The following LRP5 variants were observed in gnomAD, a reference collection of about 807,000 sequenced individuals.
LRP5 encodes LDL receptor related protein 5.
Under a neutral mutation model 154.1 loss-of-function variants are expected in LRP5, and 62 were observed. The ratio of observed to expected loss-of-function variants is 0.40; its 90% confidence interval spans 0.33 to 0.50. The LOEUF is 0.50. Ranked by LOEUF, LRP5 falls within the 20% of genes least tolerant of loss-of-function variation. The pLI is 0.55. For missense variants in LRP5, 1,915 were observed against 2,336.7 expected (o/e 0.82, Z 3.72); for synonymous variants, 966 against 1,011.5 (o/e 0.96, Z 0.85).
At chr11:68,329,505 A>G (rs2153118155) in intron 1 of LRP5, among the ~76,000 whole-genome samples, 1 of 152,346 alleles carries the variant, frequency 6.6e-6, no homozygotes, top group South Asian at 2.1e-4. Context: ...TCTTCCATCA[A>G]TAAAAGAAAT....
chr11:68,301,010 A>G, the LRP5 span, among the ~76,000 whole-genome samples: 1 of 145,970 alleles, frequency 6.9e-6, no homozygotes, highest in African/African-American at 2.5e-5. Flanking sequence ...GCTCATCACA[A>G]CCTCTGCCTC....
the LRP5 span, among the ~76,000 whole-genome samples, chr11:68,305,583 C>T: frequency 2.6e-5 from 4 of 151,990 alleles, no homozygotes; most frequent in Admixed American, 2.6e-4. Context: ...GCTGGGACTA[C>T]AGATGCACGC....
intron 9 of LRP5, among the ~76,000 whole-genome samples, chr11:68,409,709 C>T (rs1175619097): frequency 9.6e-6 from 1 of 103,774 alleles, no homozygotes; most frequent in Non-Finnish European, 1.9e-5. Context: ...ATTAGCCAGG[C>T]GTGGTGGCAT....
chr11:68,418,505 G>A (rs2153170494), intron 13 of LRP5, among the ~76,000 whole-genome samples: 1 of 152,302 alleles, frequency 6.6e-6, no homozygotes, highest in African/African-American at 2.4e-5. Flanking sequence ...TTGAGGCAGA[G>A]AGAGGCTGAG....
intron 13 of LRP5, among the ~76,000 whole-genome samples, chr11:68,422,075 G>T (rs2098666136): frequency 1.3e-5 from 2 of 152,026 alleles, no homozygotes; most frequent in African/African-American, 4.8e-5. Flanking sequence ...CTGTAGGCGT[G>T]CGTCACCATA....
intron 3 of LRP5, among the ~76,000 whole-genome samples, chr11:68,359,795 T>G (rs2098626177): frequency 6.6e-6 from 1 of 151,666 alleles, no homozygotes; most frequent in African/African-American, 2.4e-5. Flanking sequence ...TGTTTGTTTT[T>G]TTTTTTTTTG....
intron 12 of LRP5, 28 bp from the exon 13 acceptor site, chr11:68,416,300 C>T (rs1016287082): frequency 6.2e-7 from 1 of 1,606,396 alleles, no homozygotes; most frequent in Admixed American, 1.7e-5. Flanking sequence ...CAGACACCCA[C>T]CTGCAGCCCT....
At chr11:68,358,138 CAG>C (rs1330592538) in intron 3 of LRP5, among the ~76,000 whole-genome samples, 17 of 151,606 alleles carry the variant, frequency 1.1e-4, no homozygotes, top group East Asian at 5.8e-4. Context: ...TTTTTTGAGA[CAG>C]AGTCTCACTC....
At chr11:68,316,506 A>T (rs2098593486) in intron 1 of LRP5, among the ~76,000 whole-genome samples, 1 of 152,190 alleles carries the variant, frequency 6.6e-6, no homozygotes, top group Non-Finnish European at 1.5e-5. Flanking sequence ...TCCTGACCTC[A>T]AGTGAGCTGC....
intron 21 of LRP5, among the ~76,000 whole-genome samples, chr11:68,441,363 C>G (rs1217990220): frequency 1.3e-5 from 2 of 152,202 alleles, no homozygotes; most frequent in Non-Finnish European, 2.9e-5. Flanking sequence ...CAGGCGTGAG[C>G]CACCGTGCCT....
At chr11:68,367,121 C>T (rs549870873) in intron 5 of LRP5, among the ~76,000 whole-genome samples, 1 of 152,316 alleles carries the variant, frequency 6.6e-6, no homozygotes, top group Non-Finnish European at 1.5e-5. Context: ...TGACCGTTCA[C>T]CTCGGCCTCA....
At chr11:68,371,565 G>A (rs532358607) in intron 5 of LRP5, among the ~76,000 whole-genome samples, 22 of 152,380 alleles carry the variant, frequency 1.4e-4, no homozygotes, top group Non-Finnish European at 2.9e-4. Context: ...GAGCACAGTC[G>A]CTGTTCTCGG....
chr11:68,440,010 G>A (rs2098677332), intron 21 of LRP5, 94 bp downstream of exon 21: 10 of 1,212,686 alleles, frequency 8.2e-6, no homozygotes, highest in Middle Eastern at 2.9e-4. Context: ...CGGGTTCCTG[G>A]GGGCTGTGCC....
intron 13 of LRP5, among the ~76,000 whole-genome samples, chr11:68,418,903 G>A (rs929549025): frequency 2.6e-5 from 4 of 152,204 alleles, no homozygotes; most frequent in Non-Finnish European, 5.9e-5. Flanking sequence ...GCTCCTGGGC[G>A]TACATTGCCT....
the LRP5 span, among the ~76,000 whole-genome samples, chr11:68,303,047 C>A: frequency 2.6e-5 from 4 of 152,278 alleles, no homozygotes; most frequent in Admixed American, 6.5e-5. Flanking sequence ...GGGAGGAACA[C>A]GTGCAGAAAG....
rs2098670833 is a variant in LRP5 at position 68,429,640 on chromosome 11, A to T, written c.3703A>T (p.Thr1235Ser). 1.2e-6 allele frequency: 2 copies of T among 1,614,134 alleles called. No homozygotes were observed. The highest frequency in any genetic ancestry group is 1.7e-6 in the Non-Finnish European group (2 of 1,180,010). ...SHICIAKGDGTPRCSCPVHLV... is the reference protein window; with the variant it reads ...SHICIAKGDGSPRCSCPVHLV... ...CATCTGTATTGCCAAGGGTGATGGG[A>T]CACCACGGTGCTCATGCCCAGTCCA... Residue 1235 changes from threonine (T) to serine (S), a missense_variant, in exon 17 of 23, where the codon ACA becomes TCA. By Grantham distance (58) the Thr-to-Ser change is moderately conservative (BLOSUM62 1). This residue lies in a region of LRP5 where 1,094 missense variants were observed against 1,210.1 expected (regional missense o/e 0.90). Coordinates refer to ENST00000294304, the MANE Select transcript of LRP5 (RefSeq NM_002335.4).
At chr11:68,312,169 G>C (rs1427935910), upstream of LRP5, among the ~76,000 whole-genome samples, 1 of 152,188 alleles carries the variant, frequency 6.6e-6, no homozygotes, top group Non-Finnish European at 1.5e-5. Flanking sequence ...TTCTCTCCCT[G>C]TTCCCTTCTC....
intron 16 of LRP5, 27 bp from the exon 17 acceptor site, chr11:68,429,548 T>G (rs778194957): frequency 6.2e-7 from 1 of 1,613,718 alleles, no homozygotes; most frequent in Non-Finnish European, 8.5e-7. Context: ...GAGCCTGACC[T>G]CTGTTTGTCT....
rs1205700532 is a variant in LRP5 at position 68,353,156 on chromosome 11, A to G, written c.489-4494A>G. Among the ~76,000 whole-genome samples, 1 of 152,112 alleles carries G rather than the reference A, an allele frequency of 6.6e-6. No individual in the cohort carries two copies. Among genetic ancestry groups the G allele is most frequent in the Non-Finnish European group, 1.5e-5 (1 of 68,022 alleles). On this transcript the variant is annotated intron_variant, in intron 2 of 22. Transcript: ENST00000294304. This position sits in a 1 kb window ranked among gnomAD's most constrained non-coding sequence, Gnocchi z 4.5. ...CTCTGGCTTTTCTTAACTATTTGAA[A>G]TGGTTCCTTTACATGCTTGCCTCTG...
Sources: gnomAD v4.1 joint callset for allele counts (sites outside exome capture counted in the v4.1 genomes callset) on GRCh38, gnomAD v4.1.1 for gene constraint, gnomAD v4.1.1 regional missense constraint, Gnocchi (gnomAD v3.1) non-coding constraint, MANE v1.5 for transcripts, NCBI Gene and HGNC (gene_info 2026-07-23, HGNC 2026-07-21) for gene names.